SH3GL2: variants seen among roughly 807,000 people sequenced by gnomAD.
SH3GL2 encodes SH3 domain containing GRB2 like 2, endophilin A1.
A neutral mutation model predicts 46.0 loss-of-function variants in SH3GL2; 24 were observed. That is an observed-to-expected ratio of 0.52 (90% CI 0.38 to 0.73). The LOEUF is 0.73. SH3GL2 is among the 30% of genes least tolerant of loss of function. The probability of loss-of-function intolerance (pLI) is 0.00; values close to 1 mark genes in which losing one functional copy is unlikely to be tolerated. For missense variants in SH3GL2, 413 were observed against 424.2 expected (o/e 0.97, Z 0.23); for synonymous variants, 196 against 147.1 (o/e 1.33, Z -2.40).
chr9:17,626,065 G>T (rs905752535), intron 1 of SH3GL2, among the ~76,000 whole-genome samples: 1 of 152,198 alleles, frequency 6.6e-6, no homozygotes, highest in African/African-American at 2.4e-5. Context: ...GTCTTGTGAG[G>T]CTGGGGAGGT....
chr9:17,608,368 G>A (rs373107845), intron 1 of SH3GL2, among the ~76,000 whole-genome samples: 10 of 151,962 alleles, frequency 6.6e-5, no homozygotes, highest in South Asian at 2.1e-4. Context: ...GGATGGTCTC[G>A]ATCTCCTGAC....
intron 1 of SH3GL2, among the ~76,000 whole-genome samples, chr9:17,701,977 T>G (rs1821352147): frequency 6.6e-6 from 1 of 152,002 alleles, no homozygotes; most frequent in Non-Finnish European, 1.5e-5. Context: ...TAGTAAAGTA[T>G]AGCCCAGGAA....
intron 1 of SH3GL2, among the ~76,000 whole-genome samples, chr9:17,671,156 CTT>C (rs1357168225): frequency 1.3e-5 from 2 of 152,274 alleles, no homozygotes; most frequent in East Asian, 3.9e-4. Context: ...ATCTAACAGA[CTT>C]TTAAATCTTA....
At chr9:17,787,306 C>T (rs1427963776) in intron 4 of SH3GL2, 74 bp from the exon 5 acceptor site, 2 of 1,242,912 alleles carry the variant, frequency 1.6e-6, no homozygotes, top group African/African-American at 3.0e-5. Flanking sequence ...GGGTTTTCAT[C>T]TGTGAAGGGC....
At chr9:17,625,373 G>T (rs1475163113) in intron 1 of SH3GL2, among the ~76,000 whole-genome samples, 1 of 152,218 alleles carries the variant, frequency 6.6e-6, no homozygotes, top group Admixed American at 6.5e-5. Context: ...GCAACACACA[G>T]TTCGTTTTTT....
intron 3 of SH3GL2, among the ~76,000 whole-genome samples, chr9:17,764,620 T>C (rs189813419): frequency 6.6e-6 from 1 of 152,034 alleles, no homozygotes; most frequent in East Asian, 2.0e-4. Flanking sequence ...ATCAGTAGGA[T>C]TTGATGCTTC....
intron 1 of SH3GL2, among the ~76,000 whole-genome samples, chr9:17,738,729 T>G (rs1303016916): frequency 6.6e-6 from 1 of 151,242 alleles, no homozygotes; most frequent in Non-Finnish European, 1.5e-5. Flanking sequence ...GTCAGAACTT[T>G]GCAGGTCAGG....
intron 5 of SH3GL2, among the ~76,000 whole-genome samples, chr9:17,789,032 G>T (rs1343252118): frequency 6.6e-6 from 1 of 152,194 alleles, no homozygotes; most frequent in East Asian, 1.9e-4. Context: ...GGCCTGTGGG[G>T]CCTGTGAGTG....
chr9:17,750,924 T>A (rs183415942), intron 2 of SH3GL2, among the ~76,000 whole-genome samples: 1 of 152,314 alleles, frequency 6.6e-6, no homozygotes, highest in Non-Finnish European at 1.5e-5. Context: ...GTGCTTGGTG[T>A]CCTGGGGAGG....
chr9:17,747,268 A>G (rs764972381), intron 2 of SH3GL2, 134 bp downstream of exon 2: 52 of 570,884 alleles, frequency 9.1e-5, no homozygotes, highest in Non-Finnish European at 1.6e-4. Context: ...ATTTAAAACT[A>G]CTTTTCATGT....
chr9:17,677,096 G>C (rs1056329724), intron 1 of SH3GL2, among the ~76,000 whole-genome samples: 5 of 152,164 alleles, frequency 3.3e-5, no homozygotes, highest in African/African-American at 9.7e-5. Flanking sequence ...TGTGGACTTA[G>C]AGGTTGAGCA....
At chr9:17,654,284 T>C (rs1820021166) in intron 1 of SH3GL2, among the ~76,000 whole-genome samples, 1 of 152,214 alleles carries the variant, frequency 6.6e-6, no homozygotes, top group Non-Finnish European at 1.5e-5. Flanking sequence ...AATATCGCTT[T>C]ACTGTGGTGA....
At chr9:17,768,499 A>T (rs994296907) in intron 3 of SH3GL2, among the ~76,000 whole-genome samples, 1 of 152,156 alleles carries the variant, frequency 6.6e-6, no homozygotes, top group African/African-American at 2.4e-5. Flanking sequence ...CCTAAATACT[A>T]TAAATAAATA....
rs373850072 is a variant in SH3GL2 at position 17,623,199 on chromosome 9, G to A, written c.45+43912G>A. On this transcript the variant is annotated intron_variant, in intron 1 of 8. Coordinates refer to ENST00000380607, the MANE Select transcript of SH3GL2 (RefSeq NM_003026.5). ...TTCCATCGGAGTGGGCCCTTTAGTG[G>A]TTAAGGGTGAGGGATGAGAAGTTAG... Among the ~76,000 whole-genome samples the A allele has an allele frequency of 3.5e-4, 53 of 151,886 alleles. No homozygotes were observed. In the South Asian group the frequency reaches 0.011, roughly 31 times the overall value.
intron 3 of SH3GL2, among the ~76,000 whole-genome samples, chr9:17,782,277 G>A (rs1404295664): frequency 6.6e-6 from 1 of 152,022 alleles, no homozygotes; most frequent in African/African-American, 2.4e-5. Context: ...GATTTAGCTT[G>A]GGAACTCTCT....
chr9:17,621,735 C>T (rs1819146821), intron 1 of SH3GL2, among the ~76,000 whole-genome samples: 1 of 152,138 alleles, frequency 6.6e-6, no homozygotes, highest in Admixed American at 6.5e-5. Flanking sequence ...CATTACCTGC[C>T]TTCATGTGGT....
chr9:17,590,685 TC>T (rs1818465801), intron 1 of SH3GL2: 1 of 152,216 alleles, frequency 6.6e-6, no homozygotes, highest in African/African-American at 2.4e-5. Context: ...TTTCCCTAGC[TC>T]CAAGAAAAGC....
chr9:17,663,277 G>T (rs559856734), intron 1 of SH3GL2, among the ~76,000 whole-genome samples: 1 of 152,118 alleles, frequency 6.6e-6, no homozygotes, highest in Non-Finnish European at 1.5e-5. Flanking sequence ...CAGTTACATT[G>T]ACTGTGATGA....
intron 1 of SH3GL2, among the ~76,000 whole-genome samples, chr9:17,617,623 C>T (rs1056741023): frequency 2.6e-5 from 4 of 152,144 alleles, no homozygotes; most frequent in Non-Finnish European, 4.4e-5. Context: ...TCTTTCGAGA[C>T]AGTTTCTGGG....
Sources: gnomAD v4.1 joint callset for allele counts (sites outside exome capture counted in the v4.1 genomes callset) on GRCh38, gnomAD v4.1.1 for gene constraint, MANE v1.5 for transcripts, NCBI Gene and HGNC (gene_info 2026-07-23, HGNC 2026-07-21) for gene names.